The following SIRPG variants were observed in gnomAD, a reference collection of about 807,000 sequenced individuals.
The protein encoded by SIRPG is signal-regulatory protein gamma.
Under a neutral mutation model 35.7 loss-of-function variants are expected in SIRPG, and 38 were observed. The observed-to-expected ratio is 1.06, with a 90% confidence interval of 0.82 to 1.40. SIRPG has a LOEUF of 1.40. SIRPG is among the 40% of genes most tolerant of loss of function. The probability of loss-of-function intolerance (pLI) is 0.00; values close to 1 mark genes in which losing one functional copy is unlikely to be tolerated. For synonymous variants in SIRPG, 215 were observed against 190.4 expected, an observed-to-expected ratio of 1.13 and a Z score of -1.06; for missense variants, 519 against 483.0, an observed-to-expected ratio of 1.07 and a Z score of -0.70.
chr20:1,635,467 C>T lies in SIRPG; in HGVS notation c.881G>A (p.Arg294Lys). Residue 294 changes from arginine (R) to lysine (K), a missense_variant, in exon 4 of 6, where the codon AGA becomes AAA. Transcript: ENST00000303415. ...CTCTGTAAGGGTCGAGGCTGTTTCT[C>T]TCTGGCACACGTTTCCATTCTCCGA... ...TWSENGNVCQRETASTLTENK... is the reference protein window; with the variant it reads ...TWSENGNVCQKETASTLTENK... 4.3e-6 allele frequency: 7 copies of T among 1,614,140 alleles called. No homozygotes were observed. The Middle Eastern group carries it at 1.2e-3, about 266-fold the overall frequency.
chr20:1,676,791 G>T, the SIRPG span: 1 of 217,900 alleles, frequency 4.6e-6, no homozygotes. Context: ...GCCCCACAGG[G>T]AACAGGGAGG....
At chr20:1,650,711 C>T (rs2091935384) in intron 1 of SIRPG, among the ~76,000 whole-genome samples, 1 of 152,070 alleles carries the variant, frequency 6.6e-6, no homozygotes. Context: ...TGGTCAAAAC[C>T]TTCACAAACT....
chr20:1,645,188 T>C (rs905394032), intron 2 of SIRPG, among the ~76,000 whole-genome samples: 3 of 152,174 alleles, frequency 2.0e-5, no homozygotes, highest in Non-Finnish European at 2.9e-5. Flanking sequence ...GGAGGGGTCC[T>C]GGCCAGGGCA....
chr20:1,672,741 T>TTCG, the SIRPG span, among the ~76,000 whole-genome samples: 5 of 151,010 alleles, frequency 3.3e-5, no homozygotes, highest in South Asian at 1.1e-3. Context: ...CGGCCAATCA[T>TTCG]TTGTTGTTGT....
chr20:1,657,811 T>C, upstream of SIRPG: 1 of 1,148,920 alleles, frequency 8.7e-7, no homozygotes. Context: ...CCTCCCTCAA[T>C]TCAAGAGGAA....
At chr20:1,668,190 TTTC>T in the SIRPG span, among the ~76,000 whole-genome samples, 1 of 58,226 alleles carries the variant, frequency 1.7e-5, no homozygotes, top group Admixed American at 2.1e-4. Flanking sequence ...TTTCTTTCTT[TTTC>T]TTTTCTTTTC....
intron 4 of SIRPG, 70 bp downstream of exon 4, chr20:1,635,197 A>G (rs1364349270): frequency 2.4e-6 from 3 of 1,251,682 alleles, no homozygotes; most frequent in Non-Finnish European, 3.3e-6. Flanking sequence ...AGCTTATTTT[A>G]CAGCAAGTGT....
chr20:1,641,704 T>G (rs1180463469), intron 2 of SIRPG, among the ~76,000 whole-genome samples: 1 of 152,218 alleles, frequency 6.6e-6, no homozygotes, highest in Non-Finnish European at 1.5e-5. Flanking sequence ...TTTCAGATCT[T>G]TCTAGCTTTC....
At chr20:1,684,473 T>A in the SIRPG span, among the ~76,000 whole-genome samples, 4 of 152,178 alleles carry the variant, frequency 2.6e-5, no homozygotes, top group Non-Finnish European at 5.9e-5. Flanking sequence ...CCTTATACTA[T>A]ATAAAGATGT....
intron 4 of SIRPG, among the ~76,000 whole-genome samples, chr20:1,632,810 C>T (rs2091762001): frequency 6.6e-6 from 1 of 151,862 alleles, no homozygotes; most frequent in Non-Finnish European, 1.5e-5. Context: ...GCAAAAGCCT[C>T]AAGTCAATTA....
intron 4 of SIRPG, among the ~76,000 whole-genome samples, chr20:1,634,595 T>C (rs1382450707): frequency 1.3e-5 from 2 of 151,880 alleles, no homozygotes; most frequent in Admixed American, 1.3e-4. Flanking sequence ...ATGGAAAAGT[T>C]TGGATGAAAC....
At chr20:1,671,625 C>T in the SIRPG span, among the ~76,000 whole-genome samples, 5,079 of 152,256 alleles carry the variant, frequency 0.033, 127 homozygotes, top group Middle Eastern at 0.058. Flanking sequence ...GGTCTCACAG[C>T]CTTCAGAGCT....
At chr20:1,683,693 A>G in the SIRPG span, among the ~76,000 whole-genome samples, 1 of 152,180 alleles carries the variant, frequency 6.6e-6, no homozygotes, top group African/African-American at 2.4e-5. Flanking sequence ...AACTCACACA[A>G]GTAGAGAGTA....
At chr20:1,678,553 AAG>A in the SIRPG span, among the ~76,000 whole-genome samples, 1 of 152,152 alleles carries the variant, frequency 6.6e-6, no homozygotes, top group East Asian at 1.9e-4. Context: ...ACAAAAATGA[AAG>A]ATAATAGAAT....
At chr20:1,669,695 T>G in the SIRPG span, among the ~76,000 whole-genome samples, 17 of 152,172 alleles carry the variant, frequency 1.1e-4, no homozygotes, top group Non-Finnish European at 7.4e-5. Flanking sequence ...TCCCTGCATC[T>G]CTCTTCCTCC....
At chr20:1,631,569 G>A (rs1201575582) in intron 4 of SIRPG, among the ~76,000 whole-genome samples, 1 of 152,134 alleles carries the variant, frequency 6.6e-6, no homozygotes, top group Non-Finnish European at 1.5e-5. Context: ...GATGCTTCCT[G>A]CATTCCTGTA....
At chr20:1,654,446 G>A (rs954093174) in intron 1 of SIRPG, among the ~76,000 whole-genome samples, 1 of 152,128 alleles carries the variant, frequency 6.6e-6, no homozygotes, top group Non-Finnish European at 1.5e-5. Context: ...AATGGTGAAA[G>A]GTCTGTCTCT....
the SIRPG span, among the ~76,000 whole-genome samples, chr20:1,681,711 C>T: frequency 4.6e-5 from 7 of 152,230 alleles, no homozygotes; most frequent in African/African-American, 1.7e-4. Flanking sequence ...TGGCACACCC[C>T]TGTGGTCCCA....
the SIRPG span, among the ~76,000 whole-genome samples, chr20:1,681,640 G>C: frequency 6.6e-6 from 1 of 152,002 alleles, no homozygotes; most frequent in African/African-American, 2.4e-5. Flanking sequence ...AGACCAGCCT[G>C]GCCAACATGG....
Sources: allele counts gnomAD v4.1 joint callset (sites outside exome capture counted in the v4.1 genomes callset), GRCh38; gene constraint gnomAD v4.1.1; transcripts MANE v1.5; gene names NCBI Gene and HGNC (gene_info 2026-07-23, HGNC 2026-07-21).